ACADSB: variants seen among roughly 807,000 people sequenced by gnomAD.
ACADSB encodes the protein short/branched chain specific acyl-CoA dehydrogenase, mitochondrial.
In ACADSB, 40 loss-of-function variants were observed where a neutral mutation model predicts 54.1. The ratio of observed to expected loss-of-function variants is 0.74; its 90% CI spans 0.57 to 0.96. The LOEUF (loss-of-function observed/expected upper bound fraction) is 0.96, where lower values mean the gene tolerates loss of function less well. ACADSB is among the 40% of genes least tolerant of loss of function. The pLI is 0.00. For synonymous variants in ACADSB, 182 were observed against 182.8 expected (o/e 1.00, Z 0.03); for missense variants, 530 against 510.4 (o/e 1.04, Z -0.37).
At chr10:123,036,325 G>A (rs1176848160) in intron 2 of ACADSB, among the ~76,000 whole-genome samples, 1 of 152,170 alleles carries the variant, frequency 6.6e-6, no homozygotes, top group Non-Finnish European at 1.5e-5. Flanking sequence ...GACCTCAGGT[G>A]ATCCACCAAC....
chr10:123,046,724 C>T (rs554547121), intron 7 of ACADSB, among the ~76,000 whole-genome samples: 71 of 152,310 alleles, frequency 4.7e-4, no homozygotes, highest in Admixed American at 7.2e-4. Context: ...CCCATTGAAG[C>T]TCTCATTAAT....
Position 123,043,089 on chromosome 10 carries a change from C to T in ACADSB, c.725C>T (p.Pro242Leu), listed in dbSNP as rs143736049. The T allele has an allele frequency of 5.9e-5, 96 of 1,613,726 alleles. No homozygotes were observed. The highest frequency in any genetic ancestry group is 4.0e-4 in the East Asian group (18 of 44,868). The change falls in exon 6 of 11, where the codon CCG becomes CTG. Residue 242 changes from proline to leucine, a missense_variant. By Grantham distance (98) the Pro-to-Leu change is moderately conservative (BLOSUM62 -3). Transcript: ENST00000358776. ...TCCTTCTTAGTAGATCGTGATACTC[C>T]GGGCCTTCATATAGGGAAACCTGAA... ...ITSFLVDRDT[P>L]GLHIGKPENK...
At chr10:123,023,547 T>C (rs1258450765) in intron 1 of ACADSB, among the ~76,000 whole-genome samples, 1 of 152,132 alleles carries the variant, frequency 6.6e-6, no homozygotes, top group Non-Finnish European at 1.5e-5. Flanking sequence ...GAGATAGCAA[T>C]ACAGGCTCAC....
rs139899190 is a variant in ACADSB at position 123,042,902 on chromosome 10, G to A, written c.682-144G>A. The A allele has an allele frequency of 9.9e-4, 843 of 849,020 alleles. 3 individuals carry two copies. In the African/African-American group the frequency reaches 0.012, roughly 12 times the overall value. The allele number at this position is 849,020 out of a possible 1,614,324, so 52.6% of individuals were successfully genotyped here. A position where few individuals can be genotyped will look rare whatever the true frequency, so the allele number is the denominator to read the frequency against. Reference sequence around the variant, plus strand: ...GATCTAATGTCCTCTAGCTGCTCTCGTTTCATAATGCCCATGTTGCAATTC... The same window carrying A: ...GATCTAATGTCCTCTAGCTGCTCTCATTTCATAATGCCCATGTTGCAATTC... On this transcript the variant is annotated intron_variant, in intron 5 of 10. Coordinates refer to ENST00000358776, the MANE Select transcript of ACADSB (RefSeq NM_001609.4).
At position 123,056,391 on chromosome 10, in the gene ACADSB, T is replaced by C; in HGVS notation, c.*2626T>C. 4.9e-6 allele frequency: 1 copy of C among 203,972 alleles called. No homozygotes were observed. The highest frequency in any genetic ancestry group is 9.6e-6 in the Non-Finnish European group (1 of 104,034). 12.6% of individuals were successfully genotyped at this position (203,972 alleles called of 1,614,324 possible). On this transcript the variant is annotated 3_prime_UTR_variant, in exon 11 of 11. Coordinates refer to ENST00000358776, the MANE Select transcript of ACADSB (RefSeq NM_001609.4). ...ATAAACCCATCAGATCTCATGAGAC[T>C]TACTATCATGAGAATAGCACAGGAA...
chr10:123,034,306 A>G, intron 1 of ACADSB, 50 bp from the exon 2 acceptor site: 1 of 1,581,462 alleles, frequency 6.3e-7, no homozygotes, highest in South Asian at 1.1e-5. Context: ...TCATTCCCAA[A>G]GAAAATGATA....
chr10:123,029,982 G>A (rs372047710), intron 1 of ACADSB, among the ~76,000 whole-genome samples: 4 of 152,138 alleles, frequency 2.6e-5, no homozygotes, highest in East Asian at 3.9e-4. Flanking sequence ...TTGGCAGAAC[G>A]GAAGGGCCTG....
chr10:123,029,374 A>G (rs1226441318), intron 1 of ACADSB, among the ~76,000 whole-genome samples: 1 of 151,872 alleles, frequency 6.6e-6, no homozygotes, highest in Non-Finnish European at 1.5e-5. Flanking sequence ...AAAAAAAAAG[A>G]AAGAAAACAA....
At position 123,054,993 on chromosome 10, in the gene ACADSB, T is replaced by G. The variant is rs1047817932; in HGVS notation, c.*1228T>G. ...AAGTGTATCAAAATCTCATAAGGAA[T>G]GAGGGAGAGAAGGGGGCTGTAGAGT... is the stretch of plus-strand genomic sequence containing the variant. On this transcript the variant is annotated 3_prime_UTR_variant, in exon 11 of 11. Transcript: ENST00000358776. 2.0e-5 allele frequency: 3 copies of G among 152,178 alleles called. No individual in the cohort carries two copies. The highest frequency in any genetic ancestry group is 7.2e-5 in the African/African-American group (3 of 41,434). The allele number at this position is 152,178 out of a possible 1,614,324, so 9.4% of individuals were successfully genotyped here. A position where few individuals can be genotyped will look rare whatever the true frequency, so the allele number is the denominator to read the frequency against.
At chr10:123,032,583 CTTTTTTTTTTTTT>C (rs889911796) in intron 1 of ACADSB, among the ~76,000 whole-genome samples, 2 of 106,934 alleles carry the variant, frequency 1.9e-5, no homozygotes, top group African/African-American at 7.2e-5. Context: ...AATTTCCATT[CTTTTTTTTTTTTT>C]TTTTTTTTTT....
At chr10:123,027,715 G>GT (rs1850274573) in intron 1 of ACADSB, 1 of 288,882 alleles carries the variant, frequency 3.5e-6, no homozygotes, top group Non-Finnish European at 7.2e-6. Flanking sequence ...GGTGTGTATG[G>GT]CCCCTTGGCA....
At chr10:123,012,494 G>A (rs1589729806) in intron 1 of ACADSB, among the ~76,000 whole-genome samples, 4 of 152,266 alleles carry the variant, frequency 2.6e-5, no homozygotes, top group Middle Eastern at 6.8e-3. Flanking sequence ...GGACCCTCGC[G>A]GTGAGTGCTA....
intron 3 of ACADSB, among the ~76,000 whole-genome samples, chr10:123,040,173 C>G (rs1336810435): frequency 7.5e-6 from 1 of 132,522 alleles, no homozygotes; most frequent in African/African-American, 3.0e-5. Context: ...TGGCGAAACC[C>G]CATCTCTACT....
chr10:123,041,976 T>TG (rs1429838633), intron 5 of ACADSB, among the ~76,000 whole-genome samples: 1 of 150,456 alleles, frequency 6.6e-6, no homozygotes, highest in African/African-American at 2.4e-5. Flanking sequence ...CTTTTTTTTT[T>TG]TTTTTTTAAT....
chr10:123,044,547 C>A, intron 7 of ACADSB, 62 bp downstream of exon 7: 1 of 1,258,012 alleles, frequency 7.9e-7, no homozygotes. Context: ...GAAAAAAATG[C>A]AATGAGACCA....
intron 1 of ACADSB, among the ~76,000 whole-genome samples, chr10:123,022,547 G>A (rs1228408240): frequency 6.6e-6 from 1 of 152,124 alleles, no homozygotes; most frequent in African/African-American, 2.4e-5. Context: ...TACCGCACGT[G>A]GTTATAAGGG....
intron 7 of ACADSB, among the ~76,000 whole-genome samples, chr10:123,046,270 T>A (rs888670630): frequency 6.6e-6 from 1 of 152,240 alleles, no homozygotes; most frequent in Non-Finnish European, 1.5e-5. Context: ...TGAATACTAA[T>A]GAAATAAATT....
At chr10:123,010,027 T>C (rs567111009) in intron 1 of ACADSB, among the ~76,000 whole-genome samples, 8 of 152,310 alleles carry the variant, frequency 5.3e-5, no homozygotes, top group Non-Finnish European at 8.8e-5. Flanking sequence ...AGATAATTAA[T>C]GTTATTTGAC....
chr10:123,035,908 A>G (rs1850392448), intron 2 of ACADSB, among the ~76,000 whole-genome samples: 1 of 152,092 alleles, frequency 6.6e-6, no homozygotes, highest in African/African-American at 2.4e-5. Context: ...GGCTCACCTG[A>G]TTAGGTCAGG....
Sources: allele counts gnomAD v4.1 joint callset (sites outside exome capture counted in the v4.1 genomes callset), GRCh38; gene constraint gnomAD v4.1.1; transcripts MANE v1.5; gene names NCBI Gene and HGNC (gene_info 2026-07-23, HGNC 2026-07-21).